ST6GALNAC6: variants seen among roughly 807,000 people sequenced by gnomAD.
The protein encoded by ST6GALNAC6 is ST6 N-acetylgalactosaminide alpha-2,6-sialyltransferase 6.
A neutral mutation model predicts 34.3 loss-of-function variants in ST6GALNAC6; 19 were observed. The observed-to-expected ratio is 0.55, with a 90% CI of 0.39 to 0.81. The LOEUF (loss-of-function observed/expected upper bound fraction) is 0.81. Ranked by LOEUF, ST6GALNAC6 falls within the 40% of genes least tolerant of loss-of-function variation. The pLI is 0.00. For missense variants in ST6GALNAC6, 377 were observed against 467.7 expected, an observed-to-expected ratio of 0.81 and a Z score of 1.79; for synonymous variants, 185 against 182.1, an observed-to-expected ratio of 1.02 and a Z score of -0.13.
At chr9:127,894,016 C>T (rs1472681777) in intron 4 of ST6GALNAC6, among the ~76,000 whole-genome samples, 1 of 152,208 alleles carries the variant, frequency 6.6e-6, no homozygotes, top group Non-Finnish European at 1.5e-5. Context: ...CCTTCCCTCA[C>T]TGTGTGGCCT....
At chr9:127,902,407 GCCTCAGC>G (rs894055600), upstream of ST6GALNAC6, among the ~76,000 whole-genome samples, 2 of 152,038 alleles carry the variant, frequency 1.3e-5, no homozygotes, top group African/African-American at 4.8e-5. Flanking sequence ...TGATCCGCCT[GCCTCAGC>G]CTTCCAAAGT....
At chr9:127,906,012 C>G, upstream of ST6GALNAC6, 1 of 985,762 alleles carries the variant, frequency 1.0e-6, no homozygotes, top group African/African-American at 1.7e-5. Context: ...TTCGCCAGCT[C>G]AGGGCTCTCC....
At chr9:127,893,290 G>C (rs989226936) in intron 4 of ST6GALNAC6, among the ~76,000 whole-genome samples, 4 of 152,188 alleles carry the variant, frequency 2.6e-5, no homozygotes, top group Non-Finnish European at 5.9e-5. Context: ...TGTGACCACA[G>C]ATTCCCAGCT....
upstream of ST6GALNAC6, among the ~76,000 whole-genome samples, chr9:127,899,879 G>T (rs555770533): frequency 6.6e-6 from 1 of 152,208 alleles, no homozygotes; most frequent in Admixed American, 6.5e-5. Context: ...CATGACCCCG[G>T]ATGGGGAAAC....
At chr9:127,892,563 C>G (rs1454684230) in intron 4 of ST6GALNAC6, among the ~76,000 whole-genome samples, 1 of 152,168 alleles carries the variant, frequency 6.6e-6, no homozygotes, top group East Asian at 1.9e-4. Flanking sequence ...ATTGTCTCAC[C>G]CCCCGCACAC....
At chr9:127,905,071 G>A (rs1298770568) in intron 1 of ST6GALNAC6, 3 of 345,470 alleles carry the variant, frequency 8.7e-6, no homozygotes, top group African/African-American at 4.4e-5. Flanking sequence ...GGGCTTGGAG[G>A]AAGTAGGGTA....
intron 4 of ST6GALNAC6, among the ~76,000 whole-genome samples, chr9:127,893,234 T>C (rs1229190683): frequency 2.0e-5 from 3 of 152,148 alleles, no homozygotes; most frequent in Non-Finnish European, 4.4e-5. Context: ...GGCCATTCAG[T>C]TGGGGCAGAG....
chr9:127,898,959 T>C (rs764781202), intron 1 of ST6GALNAC6, among the ~76,000 whole-genome samples: 6 of 152,190 alleles, frequency 3.9e-5, no homozygotes, highest in Non-Finnish European at 8.8e-5. Flanking sequence ...AGGCTGGACG[T>C]GCAGGCGAGC....
At chr9:127,889,155 C>T (rs1766676848) in intron 5 of ST6GALNAC6, among the ~76,000 whole-genome samples, 1 of 152,122 alleles carries the variant, frequency 6.6e-6, no homozygotes, top group African/African-American at 2.4e-5. Context: ...TTGAGACCAG[C>T]CTGGCCAACA....
rs779361421 is a variant in ST6GALNAC6 at position 127,890,615 on chromosome 9, G to T, written c.704+22C>A. 2.5e-6 allele frequency: 4 copies of T among 1,612,884 alleles called. No individual in the cohort carries two copies. In the Admixed American group the frequency reaches 6.7e-5, roughly 27 times the overall value. Reference sequence around the variant, plus strand: ...AGAAGGAGCACAGTGCTGGCCAGAGGGGGCAGGCAGGAGGCTGGTACCTGT... The same window carrying T: ...AGAAGGAGCACAGTGCTGGCCAGAGTGGGCAGGCAGGAGGCTGGTACCTGT... On this transcript the variant is annotated intron_variant, in intron 5 of 6. Coordinates refer to ENST00000373146, the MANE Select transcript of ST6GALNAC6 (RefSeq NM_013443.5). This position sits in a 1 kb window ranked among gnomAD's most constrained non-coding sequence, Gnocchi z 4.3.
At chr9:127,892,804 C>T (rs143438780) in intron 4 of ST6GALNAC6, among the ~76,000 whole-genome samples, 1,897 of 152,178 alleles carry the variant, frequency 0.012, 45 homozygotes, top group African/African-American at 0.043. Context: ...TGGATGCCAA[C>T]CAGACCAGTG....
Position 127,886,418 on chromosome 9 carries a change from C to G in ST6GALNAC6, c.*181G>C. 7.0e-7 allele frequency: 1 copy of G among 1,437,736 alleles called. No individual in the cohort carries two copies. The highest frequency in any genetic ancestry group is 9.1e-7 in the Non-Finnish European group (1 of 1,098,164). The allele number at this position is 1,437,736 out of a possible 1,614,324, so 89.1% of individuals were successfully genotyped here. On this transcript the variant is annotated 3_prime_UTR_variant, in exon 7 of 7. Transcript: ENST00000373146. ...GATTAACCGCATAGACTCCCAAATC[C>G]CTGATTCGCCAACAGATTCCCCAGG...
intron 1 of ST6GALNAC6, chr9:127,905,069 A>G: frequency 3.0e-6 from 1 of 335,678 alleles, no homozygotes; most frequent in Non-Finnish European, 4.2e-6. Flanking sequence ...CTGGGCTTGG[A>G]GGAAGTAGGG....
At position 127,896,254 on chromosome 9, in the gene ST6GALNAC6, C is replaced by A; in HGVS notation, c.105G>T (p.Met35Ile). 3 of 1,614,164 alleles carry A rather than the reference C, an allele frequency of 1.9e-6. No homozygotes were observed. Among genetic ancestry groups the A allele is most frequent in the Non-Finnish European group, 2.5e-6 (3 of 1,180,002 alleles). The change falls in exon 3 of 7, where the codon ATG becomes ATT. Residue 35 changes from methionine (M) to isoleucine (I), a missense_variant. Met to Ile is a conservative substitution (Grantham distance 10). Transcript: ENST00000373146. Reference sequence around the variant, plus strand: ...AAGGCAGACTTACTTTGTTGCTACTCATTTCTCTCCGGCGTCTGCTGAGGG... The same window carrying A: ...AAGGCAGACTTACTTTGTTGCTACTAATTTCTCTCCGGCGTCTGCTGAGGG... Reference protein sequence around the residue: ...HLPLSRRRREMSSNKEQRSAV... With the variant: ...HLPLSRRRREISSNKEQRSAV...
chr9:127,905,199 G>A, intron 1 of ST6GALNAC6: 2 of 985,210 alleles, frequency 2.0e-6, no homozygotes, highest in Non-Finnish European at 2.4e-6. Context: ...CTCCTGCCCT[G>A]GGCTCACCTC....
rs1829701642 is a variant in ST6GALNAC6 at position 127,885,412 on chromosome 9, G to A, written c.*1187C>T. Reference sequence around the variant, plus strand: ...CCCACCCATCACCCCAGTGTGCAATGGCTAGCTGCTGGCCTCCTCCATCTG... The same window carrying A: ...CCCACCCATCACCCCAGTGTGCAATAGCTAGCTGCTGGCCTCCTCCATCTG... On this transcript the variant is annotated 3_prime_UTR_variant, in exon 7 of 7. Coordinates refer to ENST00000373146, the MANE Select transcript of ST6GALNAC6 (RefSeq NM_013443.5). The A allele has an allele frequency of 6.6e-6, 1 of 152,606 alleles. No individual in the cohort carries two copies. Among genetic ancestry groups the A allele is most frequent in the Non-Finnish European group, 1.5e-5 (1 of 68,404 alleles). The allele number at this position is 152,606 out of a possible 1,614,324, so 9.5% of individuals were successfully genotyped here.
At chr9:127,899,751 C>T (rs913781613), upstream of ST6GALNAC6, 15 of 769,420 alleles carry the variant, frequency 1.9e-5, 1 homozygote, top group African/African-American at 2.8e-4. Context: ...CGGGTGCCGC[C>T]GCCTGGTGAG....
At chr9:127,895,872 G>A (rs757814975) in intron 3 of ST6GALNAC6, among the ~76,000 whole-genome samples, 1 of 152,108 alleles carries the variant, frequency 6.6e-6, no homozygotes, top group African/African-American at 2.4e-5. Context: ...GGTCATGCTC[G>A]GGCTGTATCA....
chr9:127,900,600 CA>C (rs1325907696), upstream of ST6GALNAC6, among the ~76,000 whole-genome samples: 1 of 140,644 alleles, frequency 7.1e-6, no homozygotes, highest in Non-Finnish European at 1.5e-5. Context: ...GGATGCAGGT[CA>C]GTATGTCTTG....
Sources: allele counts gnomAD v4.1 joint callset (sites outside exome capture counted in the v4.1 genomes callset), GRCh38; gene constraint gnomAD v4.1.1; non-coding constraint Gnocchi (gnomAD v3.1); transcripts MANE v1.5; gene names NCBI Gene and HGNC (gene_info 2026-07-23, HGNC 2026-07-21).